The following PRCC variants were observed in gnomAD, a reference collection of about 807,000 sequenced individuals.
PRCC encodes the protein proline rich mitotic checkpoint control factor, also known as proline-rich protein PRCC.
In PRCC, 10 loss-of-function variants were observed where a neutral mutation model predicts 44.0. The ratio of observed to expected loss-of-function variants is 0.23; its 90% confidence interval spans 0.14 to 0.39. The LOEUF is 0.39. Ranked by LOEUF, PRCC falls within the 10% of genes least tolerant of loss-of-function variation. The pLI, the probability that PRCC is intolerant of heterozygous loss-of-function variation, is 1.00. For missense variants in PRCC, 573 were observed against 624.7 expected (o/e 0.92, Z 0.88); for synonymous variants, 278 against 259.5 (o/e 1.07, Z -0.69).
chr1:156,769,183 C>T (rs1011888486), intron 1 of PRCC, among the ~76,000 whole-genome samples: 1 of 152,216 alleles, frequency 6.6e-6, no homozygotes, highest in Non-Finnish European at 1.5e-5. Flanking sequence ...GGAGCCATTT[C>T]CATTCGTTGA....
chr1:156,769,024 A>G (rs572800352), intron 1 of PRCC, among the ~76,000 whole-genome samples: 46 of 151,818 alleles, frequency 3.0e-4, no homozygotes, highest in Admixed American at 6.5e-4. Context: ...ACCTGTTTCT[A>G]TATGTGACAG....
rs1197792865 is a variant in PRCC at position 156,791,891 on chromosome 1, C to T, written c.1179+99C>T. The T allele has an allele frequency of 1.0e-5, 11 of 1,096,724 alleles. No homozygotes were observed. In the East Asian group the frequency reaches 2.6e-4, roughly 26 times the overall value. 67.9% of individuals were successfully genotyped at this position (1,096,724 alleles called of 1,614,324 possible). A position where few individuals can be genotyped will look rare whatever the true frequency, so the allele number is the denominator to read the frequency against. ...TAAAAAAACACACACACACAAAAGA[C>T]AAAACTGTATCAGGATTAGGTTGGC... On this transcript the variant is annotated intron_variant, in intron 4 of 6. Transcript: ENST00000271526.
At chr1:156,772,952 G>T (rs543376796) in intron 1 of PRCC, among the ~76,000 whole-genome samples, 1 of 152,338 alleles carries the variant, frequency 6.6e-6, no homozygotes, top group South Asian at 2.1e-4. Context: ...ACCTGGATGA[G>T]ATTTGTTGTG....
chr1:156,794,641 C>A, intron 4 of PRCC, 24 bp from the exon 5 acceptor site: 1 of 1,613,408 alleles, frequency 6.2e-7, no homozygotes, highest in Non-Finnish European at 8.5e-7. Context: ...AGATTCCTGA[C>A]TCCTGCATTT....
intron 2 of PRCC, among the ~76,000 whole-genome samples, chr1:156,784,040 G>A (rs565859977): frequency 4.8e-4 from 73 of 151,650 alleles, no homozygotes; most frequent in Non-Finnish European, 9.3e-4. Flanking sequence ...TCCGCCTCCT[G>A]GGTTCACGCC....
intron 2 of PRCC, among the ~76,000 whole-genome samples, chr1:156,785,815 C>CTTTTTT (rs11371012): frequency 7.1e-6 from 1 of 140,614 alleles, no homozygotes; most frequent in Non-Finnish European, 1.5e-5. Context: ...GGGGAAGGGA[C>CTTTTTT]TTTTTTTTTT....
At chr1:156,783,978 G>A (rs1484889688) in intron 2 of PRCC, among the ~76,000 whole-genome samples, 3 of 149,726 alleles carry the variant, frequency 2.0e-5, no homozygotes, top group Admixed American at 1.3e-4. Context: ...ACGGAGTCTC[G>A]CTCTACCGCC....
chr1:156,770,636 A>T (rs1462817669), intron 1 of PRCC, among the ~76,000 whole-genome samples: 2 of 152,330 alleles, frequency 1.3e-5, no homozygotes, highest in East Asian at 3.9e-4. Context: ...TGGCCTCCCA[A>T]AGTGCCGGGA....
At chr1:156,774,652 A>G (rs1196552926) in intron 1 of PRCC, among the ~76,000 whole-genome samples, 2 of 151,306 alleles carry the variant, frequency 1.3e-5, no homozygotes, top group African/African-American at 4.9e-5. Context: ...GTACCTGGCT[A>G]TGTTTTTAAA....
intron 2 of PRCC, among the ~76,000 whole-genome samples, chr1:156,784,641 G>A (rs1398570753): frequency 6.6e-6 from 1 of 152,186 alleles, no homozygotes; most frequent in East Asian, 1.9e-4. Context: ...AGCAAGAAGA[G>A]CCCAGTCTCC....
In PRCC at chr1:156,773,749, AC is replaced by A. The variant is rs566164790; in HGVS notation, c.468+5511del. On this transcript the variant is annotated intron_variant, in intron 1 of 6. Transcript: ENST00000271526. The stretch of plus-strand genomic sequence containing the variant: ...AACAGAATGATGATCCACCAATTTC[AC>A]TTCTAGGTGAAAAGAATCAAAAGTG... Among the ~76,000 whole-genome samples, 567 of 152,318 alleles carry A rather than the reference AC, an allele frequency of 3.7e-3. 2 individuals are homozygous for A. Among genetic ancestry groups the A allele is most frequent in the African/African-American group, 0.013 (548 of 41,566 alleles).
intron 4 of PRCC, among the ~76,000 whole-genome samples, chr1:156,793,023 A>G (rs184581777): frequency 3.9e-5 from 6 of 152,328 alleles, no homozygotes; most frequent in African/African-American, 1.4e-4. Flanking sequence ...GTACTGTTCT[A>G]TCTGCAGGGA....
intron 4 of PRCC, 137 bp downstream of exon 4, chr1:156,791,929 A>C: frequency 1.3e-6 from 1 of 760,824 alleles, no homozygotes; most frequent in South Asian, 1.9e-5. Context: ...CATGTAATGG[A>C]GAAACTCTAA....
At chr1:156,775,195 C>T (rs1440895324) in intron 1 of PRCC, among the ~76,000 whole-genome samples, 1 of 151,992 alleles carries the variant, frequency 6.6e-6, no homozygotes, top group Non-Finnish European at 1.5e-5. Context: ...TTGCAGTGAG[C>T]CGAGATTGCG....
intron 2 of PRCC, among the ~76,000 whole-genome samples, chr1:156,786,320 A>G (rs1334799099): frequency 1.3e-5 from 2 of 152,114 alleles, no homozygotes; most frequent in African/African-American, 2.4e-5. Flanking sequence ...TTGAAGACAC[A>G]GAGTTGAGGA....
rs914044369 is a variant in PRCC, at chr1:156,767,698, C to T, written c.-74C>T. 8 of 1,448,502 alleles carry T rather than the reference C, an allele frequency of 5.5e-6. No individual in the cohort carries two copies. In the African/African-American group the frequency reaches 1.0e-4, roughly 18 times the overall value. 89.7% of individuals were successfully genotyped at this position (1,448,502 alleles called of 1,614,324 possible). On this transcript the variant is annotated 5_prime_UTR_variant, in exon 1 of 7. Coordinates refer to ENST00000271526, the MANE Select transcript of PRCC (RefSeq NM_005973.5). ...CCGCCCCGCCAGGTGGCGGGGCCTACTAGGCCTCCGGGCATCCCCGGTCTC... is the reference window on the plus strand; with the variant it reads ...CCGCCCCGCCAGGTGGCGGGGCCTATTAGGCCTCCGGGCATCCCCGGTCTC...
intron 3 of PRCC, chr1:156,791,050 C>T (rs1282220385): frequency 1.5e-6 from 2 of 1,365,852 alleles, no homozygotes; most frequent in African/African-American, 1.5e-5. Flanking sequence ...CTTGCCTTCA[C>T]CCTCCTCTTC....
intron 1 of PRCC, among the ~76,000 whole-genome samples, chr1:156,775,815 T>G (rs1177761808): frequency 6.6e-6 from 1 of 152,128 alleles, no homozygotes; most frequent in Non-Finnish European, 1.5e-5. Flanking sequence ...GGCTAATTTT[T>G]AAAATTTTTT....
intron 1 of PRCC, among the ~76,000 whole-genome samples, chr1:156,772,409 G>A (rs1651667265): frequency 6.6e-6 from 1 of 152,174 alleles, no homozygotes; most frequent in Non-Finnish European, 1.5e-5. Flanking sequence ...AATTCAGTCA[G>A]CTTTTGATTT....
Sources: allele counts gnomAD v4.1 joint callset (sites outside exome capture counted in the v4.1 genomes callset), GRCh38; gene constraint gnomAD v4.1.1; transcripts MANE v1.5; gene names NCBI Gene and HGNC (gene_info 2026-07-23, HGNC 2026-07-21).